TRIM24: variants seen among roughly 807,000 people sequenced by gnomAD.
The protein encoded by TRIM24 is transcription intermediary factor 1-alpha.
Under a neutral mutation model 123.9 loss-of-function variants are expected in TRIM24, and 29 were observed. That is an observed-to-expected ratio of 0.23 (90% confidence interval 0.17 to 0.32). TRIM24 has a LOEUF of 0.32. Ranked by LOEUF, TRIM24 falls within the 10% of genes least tolerant of loss-of-function variation. The probability of loss-of-function intolerance (pLI) is 1.00; values close to 1 mark genes in which losing one functional copy is unlikely to be tolerated. For synonymous variants in TRIM24, 456 were observed against 461.1 expected, an observed-to-expected ratio of 0.99 and a Z score of 0.14; for missense variants, 932 against 1,295.3, an observed-to-expected ratio of 0.72 and a Z score of 4.31.
intron 9 of TRIM24, among the ~76,000 whole-genome samples, chr7:138,564,613 A>G (rs1386326373): frequency 6.6e-6 from 1 of 152,246 alleles, no homozygotes; most frequent in Non-Finnish European, 1.5e-5. Context: ...ATGCAGGTCA[A>G]GTTTGAACTA....
chr7:138,577,677 T>C, intron 14 of TRIM24, 89 bp downstream of exon 14: 2 of 1,100,988 alleles, frequency 1.8e-6, no homozygotes, highest in Non-Finnish European at 1.2e-6. Context: ...TTTTTTTTAA[T>C]GTTATATTTA....
intron 5 of TRIM24, among the ~76,000 whole-genome samples, chr7:138,527,967 T>G (rs1243222941): frequency 1.3e-5 from 2 of 152,152 alleles, no homozygotes; most frequent in East Asian, 3.9e-4. Context: ...ATGGGCTAGT[T>G]TGAAACAAGC....
rs575308034 is a variant in TRIM24 at position 138,493,624 on chromosome 7, G to A, written c.365-10666G>A. Among the ~76,000 whole-genome samples, 12 of 152,258 alleles carry A rather than the reference G, an allele frequency of 7.9e-5. No individual in the cohort carries two copies. In the East Asian group the frequency reaches 2.3e-3, roughly 29 times the overall value. On this transcript the variant is annotated intron_variant, in intron 1 of 18. Coordinates refer to ENST00000343526, the MANE Select transcript of TRIM24 (RefSeq NM_015905.3). ...GAGAAGCCGCTGTAAGCCTAAGGGG[G>A]TCAAATATAACCAACCATCTCTGCT...
rs1798038200 is a variant in TRIM24, at chr7:138,587,338, G to GC, written c.*2387_*2388insC. ...ATTGCACTCCAGCCTGAGTGACAGA[G>GC]ACTCAGTCTCAAAAACAAAAAGTAA... On this transcript the variant is annotated 3_prime_UTR_variant, in exon 19 of 19. Coordinates refer to ENST00000343526, the MANE Select transcript of TRIM24 (RefSeq NM_015905.3). The GC allele has an allele frequency of 6.6e-6, 1 of 152,232 alleles. No individual in the cohort carries two copies. The allele number at this position is 152,232 out of a possible 1,614,324, so 9.4% of individuals were successfully genotyped here. A position where few individuals can be genotyped will look rare whatever the true frequency, so the allele number is the denominator to read the frequency against.
At chr7:138,532,340 T>C (rs1195429068) in intron 6 of TRIM24, among the ~76,000 whole-genome samples, 1 of 152,202 alleles carries the variant, frequency 6.6e-6, no homozygotes, top group Admixed American at 6.5e-5. Context: ...AGGGTTTTTA[T>C]GGTTTTAGGT....
chr7:138,478,566 C>T (rs1269225241), intron 1 of TRIM24, among the ~76,000 whole-genome samples: 1 of 152,002 alleles, frequency 6.6e-6, no homozygotes, highest in East Asian at 1.9e-4. Context: ...AGCCTTTATC[C>T]CCTGGGCTGA....
Position 138,460,403 on chromosome 7 carries a change from C to G in TRIM24, c.-146C>G. 3 of 884,824 alleles carry G rather than the reference C, an allele frequency of 3.4e-6. No individual in the cohort carries two copies. The highest frequency in any genetic ancestry group is 1.0e-4 in the South Asian group (2 of 19,080). 54.8% of individuals were successfully genotyped at this position (884,824 alleles called of 1,614,324 possible). ...CGTGGGCCTGAGGAGGCTTCCCCCG[C>G]CCGGTTTGCTTTCCCTCCCTCGCTG... is the stretch of plus-strand genomic sequence containing the variant. On this transcript the variant is annotated 5_prime_UTR_variant, in exon 1 of 19. Transcript: ENST00000343526.
At chr7:138,476,289 G>C (rs1157709938) in intron 1 of TRIM24, among the ~76,000 whole-genome samples, 5 of 152,088 alleles carry the variant, frequency 3.3e-5, no homozygotes, top group Non-Finnish European at 7.4e-5. Flanking sequence ...GAGGTACAAA[G>C]AAAACTCTTA....
intron 1 of TRIM24, among the ~76,000 whole-genome samples, chr7:138,500,342 T>C (rs1038495309): frequency 2.6e-5 from 4 of 151,920 alleles, no homozygotes; most frequent in African/African-American, 4.8e-5. Flanking sequence ...GGCGGATTGC[T>C]TGAGGCCAGG....
chr7:138,469,362 G>A (rs1440339221), intron 1 of TRIM24, among the ~76,000 whole-genome samples: 4 of 142,288 alleles, frequency 2.8e-5, no homozygotes, highest in African/African-American at 5.2e-5. Flanking sequence ...ACAGTGTCTC[G>A]TGCAGTGGCC....
intron 9 of TRIM24, among the ~76,000 whole-genome samples, chr7:138,555,510 T>A (rs1797298059): frequency 6.8e-6 from 1 of 147,766 alleles, no homozygotes; most frequent in South Asian, 2.2e-4. Flanking sequence ...TGAGATGGAG[T>A]CTCACTCTGT....
intron 2 of TRIM24, chr7:138,514,974 G>T (rs188742512): frequency 2.4e-4 from 90 of 369,204 alleles, no homozygotes; most frequent in African/African-American, 1.8e-3. Context: ...GAAATACCTA[G>T]TTGAAATATT....
chr7:138,466,427 T>C (rs549057057), intron 1 of TRIM24, among the ~76,000 whole-genome samples: 1 of 151,926 alleles, frequency 6.6e-6, no homozygotes, highest in Admixed American at 6.5e-5. Flanking sequence ...TGGTGAGATT[T>C]TGGTTTGTCT....
At chr7:138,543,191 T>A (rs1422498569) in intron 7 of TRIM24, among the ~76,000 whole-genome samples, 6 of 152,214 alleles carry the variant, frequency 3.9e-5, no homozygotes, top group Non-Finnish European at 8.8e-5. Flanking sequence ...ATAAATTAAT[T>A]TACACAATGA....
At chr7:138,567,816 A>C (rs1269701300) in intron 10 of TRIM24, among the ~76,000 whole-genome samples, 162 bp downstream of exon 10, 1 of 152,236 alleles carries the variant, frequency 6.6e-6, no homozygotes, top group Non-Finnish European at 1.5e-5. Context: ...GCTTTTTATC[A>C]GTAAGAGAAA....
intron 2 of TRIM24, among the ~76,000 whole-genome samples, chr7:138,508,726 T>TGTGTGTGCGTGTGC (rs1554436750): frequency 3.6e-4 from 53 of 149,062 alleles, no homozygotes; most frequent in Admixed American, 3.0e-3. Flanking sequence ...TGTGCGTGTG[T>TGTGTGTGCGTGTGC]GTGTGTGTGT....
At chr7:138,531,234 G>A (rs1796730332) in intron 6 of TRIM24, among the ~76,000 whole-genome samples, 1 of 146,666 alleles carries the variant, frequency 6.8e-6, no homozygotes, top group Admixed American at 6.7e-5. Context: ...ACGTATACAT[G>A]TTACACGTTA....
At chr7:138,538,833 G>A (rs1345479589) in intron 7 of TRIM24, 30 bp downstream of exon 7, 1 of 1,587,810 alleles carries the variant, frequency 6.3e-7, no homozygotes, top group African/African-American at 1.3e-5. Context: ...TTAATATACT[G>A]TAAAAATGCA....
At chr7:138,522,674 G>T (rs1412680935) in intron 4 of TRIM24, among the ~76,000 whole-genome samples, 1 of 151,932 alleles carries the variant, frequency 6.6e-6, no homozygotes, top group Non-Finnish European at 1.5e-5. Context: ...TGTACTATGG[G>T]CACATAAGAA....
Sources: gnomAD v4.1 joint callset for allele counts (sites outside exome capture counted in the v4.1 genomes callset) on GRCh38, gnomAD v4.1.1 for gene constraint, MANE v1.5 for transcripts, NCBI Gene and HGNC (gene_info 2026-07-23, HGNC 2026-07-21) for gene names.